The following NUSAP1 variants were observed in gnomAD, a reference collection of about 807,000 sequenced individuals.
The protein encoded by NUSAP1 is nucleolar and spindle-associated protein 1.
Under a neutral mutation model 52.8 loss-of-function variants are expected in NUSAP1, and 32 were observed. The ratio of observed to expected loss-of-function variants is 0.61; its 90% CI spans 0.46 to 0.81. NUSAP1 has a LOEUF of 0.81. NUSAP1 is among the 40% of genes least tolerant of loss of function. The pLI, the probability that NUSAP1 is intolerant of heterozygous loss-of-function variation, is 0.00. For synonymous variants in NUSAP1, 195 were observed against 183.1 expected (o/e 1.06, Z -0.52); for missense variants, 499 against 522.3 (o/e 0.96, Z 0.43).
chr15:41,375,824 C>T lies in NUSAP1; in HGVS notation c.1119C>T (p.His373=). 5.0e-6 allele frequency: 8 copies of T among 1,598,960 alleles called. No individual in the cohort carries two copies. Among genetic ancestry groups the T allele is most frequent in the Non-Finnish European group, 6.9e-6 (8 of 1,166,230 alleles). The change falls in exon 9 of 11, where the codon CAC becomes CAT. Residue 373 remains histidine (H), a synonymous_variant. Coordinates refer to ENST00000559596, the MANE Select transcript of NUSAP1 (RefSeq NM_016359.5). The part of the protein sequence containing the change: ...SLSRPLNYEP[H]KGKLKPWGQS... ...CTCGTCCCCTCAACTATGAACCACA[C>T]AAAGGTATGTGGGAGTGTTTTGAGC...
intron 8 of NUSAP1, among the ~76,000 whole-genome samples, chr15:41,375,073 G>A (rs896443188): frequency 3.3e-5 from 5 of 150,370 alleles, no homozygotes; most frequent in African/African-American, 9.8e-5. Flanking sequence ...GCAGTGGCAC[G>A]ATGTTGGCTC....
chr15:41,351,753 C>T (rs2048786256), intron 4 of NUSAP1, among the ~76,000 whole-genome samples: 1 of 152,042 alleles, frequency 6.6e-6, no homozygotes, highest in African/African-American at 2.4e-5. Context: ...TACCACTTCA[C>T]CCCAGCATGG....
chr15:41,342,683 C>G (rs1240606157), intron 2 of NUSAP1, among the ~76,000 whole-genome samples: 1 of 151,986 alleles, frequency 6.6e-6, no homozygotes, highest in African/African-American at 2.4e-5. Flanking sequence ...ACTAAAAATA[C>G]AAAAATTAGC....
At chr15:41,372,414 C>T (rs1411805538) in intron 8 of NUSAP1, among the ~76,000 whole-genome samples, 1 of 152,134 alleles carries the variant, frequency 6.6e-6, no homozygotes, top group Non-Finnish European at 1.5e-5. Context: ...GGGTATATGT[C>T]AGTTTATCTA....
chr15:41,355,202 C>T (rs1414620928), intron 4 of NUSAP1, among the ~76,000 whole-genome samples: 3 of 151,128 alleles, frequency 2.0e-5, no homozygotes, highest in Non-Finnish European at 4.4e-5. Flanking sequence ...GAGACAGAGT[C>T]TCGCTTTGTT....
intron 8 of NUSAP1, among the ~76,000 whole-genome samples, chr15:41,373,767 T>C (rs2049810141): frequency 6.6e-6 from 1 of 151,734 alleles, no homozygotes; most frequent in Admixed American, 6.6e-5. Flanking sequence ...TATTCTGAAG[T>C]GATAAGAGCC....
chr15:41,357,084 A>C (rs1295628303), intron 5 of NUSAP1, among the ~76,000 whole-genome samples: 1 of 152,106 alleles, frequency 6.6e-6, no homozygotes, highest in Non-Finnish European at 1.5e-5. Flanking sequence ...AAACAAGAAG[A>C]ATGGCCGGGT....
At position 41,371,686 on chromosome 15, in the gene NUSAP1, T is replaced by TAA. The variant is rs371284414; in HGVS notation, c.1006+16_1006+17dup. On this transcript the variant is annotated splice_region_variant and intron_variant, in intron 8 of 10. Transcript: ENST00000559596. Reference sequence around the variant, plus strand: ...CCATCACGGGGAATTCTGCTGCTGGTAAAAAAAAAAAAAAACAAAAGAAAT... The same window carrying TAA: ...CCATCACGGGGAATTCTGCTGCTGGTAAAAAAAAAAAAAAAAACAAAAGAAAT... 1,841 of 1,300,930 alleles carry TAA rather than the reference T, an allele frequency of 1.4e-3. No individual in the cohort carries two copies. The highest frequency in any genetic ancestry group is 3.1e-3 in the Admixed American group (120 of 38,648). 80.6% of individuals were successfully genotyped at this position (1,300,930 alleles called of 1,614,324 possible).
intron 7 of NUSAP1, among the ~76,000 whole-genome samples, chr15:41,371,089 C>T (rs1317522252): frequency 6.6e-6 from 1 of 152,184 alleles, no homozygotes; most frequent in African/African-American, 2.4e-5. Context: ...TATTTCTCTA[C>T]CACACAAATG....
chr15:41,337,675 C>T (rs1453575031), intron 1 of NUSAP1, among the ~76,000 whole-genome samples: 1 of 152,174 alleles, frequency 6.6e-6, no homozygotes, highest in African/African-American at 2.4e-5. Flanking sequence ...CCTCTCTCCC[C>T]TCACCTGTGC....
In NUSAP1 at chr15:41,348,813, T is replaced by C. The variant is rs1207139873; in HGVS notation, c.163-285T>C. On this transcript the variant is annotated intron_variant, in intron 2 of 10. Coordinates refer to ENST00000559596, the MANE Select transcript of NUSAP1 (RefSeq NM_016359.5). ...ACCACCATGCCCGGGTAATTTTCTA[T>C]TTTTAGTAGAGATGGAGTTTCACTA... Among the ~76,000 whole-genome samples the C allele has an allele frequency of 2.0e-5, 3 of 151,902 alleles. No homozygotes were observed. In the East Asian group the frequency reaches 5.8e-4, roughly 30 times the overall value.
intron 2 of NUSAP1, among the ~76,000 whole-genome samples, chr15:41,347,220 T>G (rs1466690034): frequency 7.2e-5 from 11 of 152,076 alleles, no homozygotes; most frequent in Admixed American, 1.3e-4. Flanking sequence ...TCAAGCCAAA[T>G]AAATAGACTA....
intron 9 of NUSAP1, among the ~76,000 whole-genome samples, chr15:41,376,777 TG>T (rs1412504515): frequency 1.3e-5 from 2 of 150,950 alleles, no homozygotes; most frequent in Admixed American, 6.6e-5. Flanking sequence ...CAGTTCTTTT[TG>T]TAAAATTGCA....
intron 7 of NUSAP1, among the ~76,000 whole-genome samples, chr15:41,368,665 G>A (rs1459143904): frequency 6.6e-6 from 1 of 151,004 alleles, no homozygotes; most frequent in African/African-American, 2.4e-5. Context: ...AATAGAACTG[G>A]TGCATGACAG....
At chr15:41,351,299 ATG>A (rs2048770196) in intron 4 of NUSAP1, among the ~76,000 whole-genome samples, 170 bp downstream of exon 4, 1 of 152,140 alleles carries the variant, frequency 6.6e-6, no homozygotes, top group Admixed American at 6.6e-5. Flanking sequence ...TCCAAAATCA[ATG>A]TGTCAGCAGG....
chr15:41,361,692 T>C (rs776807097), intron 6 of NUSAP1, among the ~76,000 whole-genome samples: 1 of 152,190 alleles, frequency 6.6e-6, no homozygotes, highest in Non-Finnish European at 1.5e-5. Context: ...AGAAAATGTG[T>C]TGAATAAACG....
At chr15:41,334,382 C>G (rs908663131) in intron 1 of NUSAP1, among the ~76,000 whole-genome samples, 3 of 152,178 alleles carry the variant, frequency 2.0e-5, no homozygotes, top group Admixed American at 6.5e-5. Flanking sequence ...CCCCAAAGTA[C>G]TGGGATTACA....
chr15:41,337,931 C>CTTT (rs757341496), intron 1 of NUSAP1, among the ~76,000 whole-genome samples: 80 of 110,956 alleles, frequency 7.2e-4, no homozygotes, highest in African/African-American at 2.3e-3. Flanking sequence ...TTTCTTTTTT[C>CTTT]TTTTTTTTTT....
intron 2 of NUSAP1, among the ~76,000 whole-genome samples, chr15:41,348,075 A>G (rs1372133650): frequency 6.6e-6 from 1 of 152,144 alleles, no homozygotes; most frequent in Non-Finnish European, 1.5e-5. Context: ...GTGAACTTAG[A>G]TCAAGCCACT....
Sources: allele counts gnomAD v4.1 joint callset (sites outside exome capture counted in the v4.1 genomes callset), GRCh38; gene constraint gnomAD v4.1.1; transcripts MANE v1.5; gene names NCBI Gene and HGNC (gene_info 2026-07-23, HGNC 2026-07-21).